The following PARD3 variants were observed in gnomAD, a reference collection of about 807,000 sequenced individuals.
PARD3 encodes partitioning defective 3 homolog.
Under a neutral mutation model 155.4 loss-of-function variants are expected in PARD3, and 75 were observed. That is an observed-to-expected ratio of 0.48 (90% CI 0.40 to 0.58). The LOEUF is 0.58. PARD3 is among the 20% of genes least tolerant of loss of function. PARD3 has a pLI of 0.00. For synonymous variants in PARD3, 576 were observed against 610.5 expected, an observed-to-expected ratio of 0.94 and a Z score of 0.83; for missense variants, 1,642 against 1,721.7, an observed-to-expected ratio of 0.95 and a Z score of 0.82.
chr10:34,378,733 A>G (rs1472167924), intron 9 of PARD3, among the ~76,000 whole-genome samples: 1 of 152,204 alleles, frequency 6.6e-6, no homozygotes, highest in African/African-American at 2.4e-5. Context: ...CCCACTCCCA[A>G]ACAAGGCAAA....
At chr10:34,347,250 A>C (rs2134362213) in intron 15 of PARD3, among the ~76,000 whole-genome samples, 1 of 152,392 alleles carries the variant, frequency 6.6e-6, no homozygotes, top group African/African-American at 2.4e-5. Flanking sequence ...GCTAATCGCA[A>C]GATGAGCAGC....
chr10:34,763,285 T>C (rs1332519666), intron 1 of PARD3, among the ~76,000 whole-genome samples: 2 of 152,216 alleles, frequency 1.3e-5, no homozygotes, highest in African/African-American at 4.8e-5. Flanking sequence ...ACAAAGTATT[T>C]TTGCCCAGTG....
intron 1 of PARD3, among the ~76,000 whole-genome samples, chr10:34,721,405 G>T (rs2094604463): frequency 6.6e-6 from 1 of 152,242 alleles, no homozygotes; most frequent in African/African-American, 2.4e-5. Context: ...CAATGCCACA[G>T]GAATGCTGAA....
At chr10:34,475,285 G>A (rs1220772955) in intron 3 of PARD3, among the ~76,000 whole-genome samples, 1 of 152,216 alleles carries the variant, frequency 6.6e-6, no homozygotes, top group East Asian at 1.9e-4. Flanking sequence ...AGTGGAAAGA[G>A]CAGCAATGTT....
At chr10:34,771,512 C>T (rs575259948) in intron 1 of PARD3, among the ~76,000 whole-genome samples, 1 of 152,182 alleles carries the variant, frequency 6.6e-6, no homozygotes, top group Non-Finnish European at 1.5e-5. Context: ...TTTCTGTCAG[C>T]GTGTTAATGC....
At chr10:34,420,726 A>G (rs528549011) in intron 5 of PARD3, among the ~76,000 whole-genome samples, 1 of 152,338 alleles carries the variant, frequency 6.6e-6, no homozygotes, top group African/African-American at 2.4e-5. Context: ...AATAGAAGAC[A>G]AAGACTACGA....
intron 1 of PARD3, among the ~76,000 whole-genome samples, chr10:34,796,878 G>A (rs756801574): frequency 3.3e-5 from 5 of 152,160 alleles, no homozygotes; most frequent in Non-Finnish European, 4.4e-5. Flanking sequence ...CCAGCTACTC[G>A]GGAGGCTGAT....
At chr10:34,211,869 T>C (rs2133404972) in intron 22 of PARD3, among the ~76,000 whole-genome samples, 1 of 152,006 alleles carries the variant, frequency 6.6e-6, no homozygotes, top group East Asian at 1.9e-4. Context: ...AGCATATCAG[T>C]ATCTCCACCT....
chr10:34,122,870 T>C (rs2132703164), intron 23 of PARD3, among the ~76,000 whole-genome samples: 1 of 152,320 alleles, frequency 6.6e-6, no homozygotes, highest in South Asian at 2.1e-4. Flanking sequence ...TCAATCCCTA[T>C]GGCATGAACA....
intron 2 of PARD3, among the ~76,000 whole-genome samples, chr10:34,600,477 T>A (rs2089669093): frequency 6.6e-6 from 1 of 151,498 alleles, no homozygotes; most frequent in South Asian, 2.1e-4. Context: ...ATATCCAGTG[T>A]TAGGGAGGAT....
chr10:34,479,307 G>A (rs1031252944), intron 3 of PARD3, among the ~76,000 whole-genome samples: 2 of 151,598 alleles, frequency 1.3e-5, no homozygotes, highest in East Asian at 2.0e-4. Flanking sequence ...GACTACAGGC[G>A]CCTGCCACCA....
At chr10:34,129,904 G>A (rs1364815308) in intron 23 of PARD3, among the ~76,000 whole-genome samples, 4 of 147,360 alleles carry the variant, frequency 2.7e-5, no homozygotes, top group African/African-American at 5.0e-5. Context: ...TCCTGGGCTC[G>A]AGCAATGCTC....
intron 3 of PARD3, among the ~76,000 whole-genome samples, chr10:34,482,369 C>A (rs1290581914): frequency 6.6e-6 from 1 of 152,022 alleles, no homozygotes; most frequent in Non-Finnish European, 1.5e-5. Flanking sequence ...ATGGGTCTCG[C>A]TATATTACCA....
chr10:34,450,524 A>C (rs1246050511), intron 4 of PARD3, 76 bp from the exon 5 acceptor site: 3 of 1,338,110 alleles, frequency 2.2e-6, no homozygotes, highest in East Asian at 2.3e-5. Context: ...GGTTTTTCAA[A>C]AGTAGCAGAA....
At chr10:34,459,823 T>C (rs1246881183) in intron 4 of PARD3, among the ~76,000 whole-genome samples, 1 of 152,154 alleles carries the variant, frequency 6.6e-6, no homozygotes, top group Non-Finnish European at 1.5e-5. Flanking sequence ...TGTAAGATAA[T>C]TACCACTTTC....
chr10:34,347,622 T>C (rs1413472228), intron 15 of PARD3, among the ~76,000 whole-genome samples: 2 of 152,226 alleles, frequency 1.3e-5, no homozygotes, highest in African/African-American at 2.4e-5. Context: ...CACAAGCCAT[T>C]AAATTTTGAT....
At chr10:34,788,586 A>G (rs900715911) in intron 1 of PARD3, among the ~76,000 whole-genome samples, 3 of 151,912 alleles carry the variant, frequency 2.0e-5, no homozygotes, top group Admixed American at 6.6e-5. Context: ...AGTAGCTGGG[A>G]CTACAGGCAT....
In PARD3 at chr10:34,785,170, T is replaced by C. The variant is rs533445412; in HGVS notation, c.120+29706A>G. Among the ~76,000 whole-genome samples, 3 of 152,384 alleles carry C rather than the reference T, an allele frequency of 2.0e-5. No individual in the cohort carries two copies. In the East Asian group the frequency reaches 5.8e-4, roughly 29 times the overall value. On this transcript the variant is annotated intron_variant, in intron 1 of 24. Transcript: ENST00000374788. The stretch of plus-strand genomic sequence containing the variant: ...ATGCCTCATGCAGGAATGTCATTAA[T>C]CTTTCTGTCTATGCAAAGCTATCTG...
chr10:34,661,007 A>T, intron 2 of PARD3, among the ~76,000 whole-genome samples: 1 of 152,128 alleles, frequency 6.6e-6, no homozygotes, highest in Admixed American at 6.6e-5. Context: ...TTACTTTTTT[A>T]AAAATAGAAT....
Sources: gnomAD v4.1 joint callset for allele counts (sites outside exome capture counted in the v4.1 genomes callset) on GRCh38, gnomAD v4.1.1 for gene constraint, MANE v1.5 for transcripts, NCBI Gene and HGNC (gene_info 2026-07-23, HGNC 2026-07-21) for gene names.